Variants in ABCG1 observed in about 807,000 individuals in gnomAD.
ABCG1 encodes ATP binding cassette subfamily G member 1.
In ABCG1, 29 loss-of-function variants were observed where a neutral mutation model predicts 69.2. That is an observed-to-expected ratio of 0.42 (90% CI 0.31 to 0.57). The LOEUF (loss-of-function observed/expected upper bound fraction) is 0.57. Among genes scored for constraint, ABCG1 ranks in the 20% least tolerant of loss-of-function variants. The pLI is 0.15. For missense variants in ABCG1, 718 were observed against 898.1 expected, an observed-to-expected ratio of 0.80 and a Z score of 2.56; for synonymous variants, 370 against 374.8, an observed-to-expected ratio of 0.99 and a Z score of 0.15.
chr21:42,293,027 A>G (rs2069104360), intron 13 of ABCG1, among the ~76,000 whole-genome samples: 1 of 141,238 alleles, frequency 7.1e-6, no homozygotes. Flanking sequence ...CACACACCAC[A>G]CTACACACTA....
intron 2 of ABCG1, chr21:42,201,746 A>G: frequency 6.2e-7 from 1 of 1,613,602 alleles, no homozygotes; most frequent in South Asian, 1.1e-5. Flanking sequence ...GAGACAGGGA[A>G]GGATTTGGAA....
chr21:42,242,068 T>C (rs577953132), intron 2 of ABCG1, among the ~76,000 whole-genome samples: 191 of 151,298 alleles, frequency 1.3e-3, no homozygotes, highest in African/African-American at 4.5e-3. Flanking sequence ...AACAGTGAAA[T>C]CCCTTTCTAA....
chr21:42,205,228 G>A (rs1019735018), intron 2 of ABCG1, among the ~76,000 whole-genome samples: 6 of 152,146 alleles, frequency 3.9e-5, no homozygotes, highest in South Asian at 2.1e-4. Context: ...TAGTGATGTC[G>A]CTTGCTCCAT....
At chr21:42,274,368 C>T (rs1360508633) in intron 4 of ABCG1, among the ~76,000 whole-genome samples, 1 of 151,954 alleles carries the variant, frequency 6.6e-6, no homozygotes, top group Non-Finnish European at 1.5e-5. Flanking sequence ...CTTGGGGCCA[C>T]AGAAGGGTCC....
At chr21:42,257,091 T>G (rs1397727349) in intron 2 of ABCG1, among the ~76,000 whole-genome samples, 1 of 152,248 alleles carries the variant, frequency 6.6e-6, no homozygotes, top group Non-Finnish European at 1.5e-5. Context: ...TAAGGTTAAG[T>G]ACTCATTTCA....
chr21:42,214,598 C>T (rs1483714935), upstream of ABCG1, among the ~76,000 whole-genome samples: 3 of 152,192 alleles, frequency 2.0e-5, no homozygotes, highest in Non-Finnish European at 4.4e-5. Flanking sequence ...CCTGGGATGA[C>T]GAGGGCACGG....
rs1377361374 is a variant in ABCG1, at chr21:42,276,413, G to A, written c.538-482G>A. ...CGCCCAGGCTGGTCGCCAAGCCCCT[G>A]ATGCCTGGGGCTTTCTTACCTCTAA... On this transcript the variant is annotated intron_variant, in intron 4 of 14. Transcript: ENST00000398449. This position sits in a 1 kb window ranked among gnomAD's most constrained non-coding sequence, Gnocchi z 5.3. 2 of 156,194 alleles carry A rather than the reference G, an allele frequency of 1.3e-5. No homozygotes were observed. Among genetic ancestry groups the A allele is most frequent in the African/African-American group, 4.8e-5 (2 of 41,570 alleles). The allele number at this position is 156,194 out of a possible 1,614,324, so 9.7% of individuals were successfully genotyped here.
At position 42,294,891 on chromosome 21, in the gene ABCG1, A is replaced by C. The variant is rs907680379; in HGVS notation, c.1772+231A>C. ...ACAAACCAGCGCTTCACACCCGGAG[A>C]GCCATGGCAGGACCAAGTGTTCTGG... On this transcript the variant is annotated intron_variant, in intron 14 of 14. Transcript: ENST00000398449. The C allele has an allele frequency of 5.8e-6, 3 of 520,538 alleles. No individual in the cohort carries two copies. In the African/African-American group the frequency reaches 5.8e-5, roughly 10 times the overall value. 32.2% of individuals were successfully genotyped at this position (520,538 alleles called of 1,614,324 possible).
chr21:42,270,031 C>T (rs111523838), intron 2 of ABCG1, among the ~76,000 whole-genome samples: 2 of 151,368 alleles, frequency 1.3e-5, no homozygotes, highest in South Asian at 2.1e-4. Context: ...TTTGGGAGGC[C>T]GAGGCGGGCG....
chr21:42,285,846 G>C, intron 7 of ABCG1, 34 bp from the exon 8 acceptor site: 1 of 1,490,302 alleles, frequency 6.7e-7, no homozygotes, highest in Non-Finnish European at 9.4e-7. Flanking sequence ...AGGAAGGCAG[G>C]GCTTGATCCC....
upstream of ABCG1, among the ~76,000 whole-genome samples, chr21:42,217,989 C>T (rs1475430296): frequency 1.3e-5 from 2 of 152,090 alleles, no homozygotes; most frequent in East Asian, 1.9e-4. Flanking sequence ...TGAGACAACA[C>T]CATTCAGACA....
chr21:42,207,476 A>G (rs1487290959), intron 2 of ABCG1, among the ~76,000 whole-genome samples: 1 of 152,108 alleles, frequency 6.6e-6, no homozygotes, highest in East Asian at 1.9e-4. Context: ...TATTTTTTCA[A>G]GTCTGCTCAT....
rs546958822 is a variant in ABCG1, at chr21:42,288,325, G to C, written c.1224+13G>C. Reference sequence around the variant, plus strand: ...CATGAGGGACTCGGTAAGGCTGCCCGCATCTTCTCCTGTAGCTGGGGAACC... The same window carrying C: ...CATGAGGGACTCGGTAAGGCTGCCCCCATCTTCTCCTGTAGCTGGGGAACC... On this transcript the variant is annotated intron_variant, in intron 10 of 14. Transcript: ENST00000398449. The surrounding 1 kb of genome is among the most constrained non-coding windows in gnomAD (Gnocchi z 4.8). 5 of 1,421,816 alleles carry C rather than the reference G, an allele frequency of 3.5e-6. No individual in the cohort carries two copies. In the South Asian group the frequency reaches 4.8e-5, roughly 14 times the overall value. 88.1% of individuals were successfully genotyped at this position (1,421,816 alleles called of 1,614,324 possible).
chr21:42,213,676 G>A (rs115084156), upstream of ABCG1, among the ~76,000 whole-genome samples: 768 of 152,402 alleles, frequency 5.0e-3, 9 homozygotes, highest in Middle Eastern at 0.024. Flanking sequence ...AGCCCTGGGG[G>A]CCTAAGTCCC....
chr21:42,220,072 A>G, intron 1 of ABCG1: 1 of 1,540,770 alleles, frequency 6.5e-7, no homozygotes, highest in Non-Finnish European at 8.8e-7. Flanking sequence ...AGGGGTGGTC[A>G]GGAATCTCCC....
intron 2 of ABCG1, among the ~76,000 whole-genome samples, chr21:42,210,717 C>A (rs1401759311): frequency 6.9e-6 from 1 of 145,152 alleles, no homozygotes; most frequent in African/African-American, 2.7e-5. Context: ...TGCCGCCCCC[C>A]TCCCTCCACC....
upstream of ABCG1, among the ~76,000 whole-genome samples, chr21:42,216,649 C>A (rs2067644046): frequency 6.6e-6 from 1 of 152,184 alleles, no homozygotes; most frequent in Non-Finnish European, 1.5e-5. Context: ...CAGCAAGAGA[C>A]CAGGGGCTGA....
Position 42,219,703 on chromosome 21 carries a change from A to G in ABCG1, c.42+399A>G. 2.2e-6 allele frequency: 2 copies of G among 906,936 alleles called. No homozygotes were observed. The highest frequency in any genetic ancestry group is 3.2e-6 in the Non-Finnish European group (2 of 633,714). 56.2% of individuals were successfully genotyped at this position (906,936 alleles called of 1,614,324 possible). Reference sequence around the variant, plus strand: ...GCCGGAGGGAAGAGGGGACTTGAAGAAGGGGAGCCCCGCGCGCGCGGCTGT... The same window carrying G: ...GCCGGAGGGAAGAGGGGACTTGAAGGAGGGGAGCCCCGCGCGCGCGGCTGT... On this transcript the variant is annotated intron_variant, in intron 1 of 14. Coordinates refer to ENST00000398449, the MANE Select transcript of ABCG1 (RefSeq NM_016818.3). This position sits in a 1 kb window ranked among gnomAD's most constrained non-coding sequence, Gnocchi z 5.3.
Position 42,291,576 on chromosome 21 carries a change from T to C in ABCG1, c.1573T>C (p.Phe525Leu). 1.2e-6 allele frequency: 2 copies of C among 1,612,946 alleles called. No individual in the cohort carries two copies. The highest frequency in any genetic ancestry group is 1.7e-6 in the Non-Finnish European group (2 of 1,179,898). Residue 525 changes from phenylalanine (F) to leucine (L), a missense_variant, in exon 13 of 15, where the codon TTT becomes CTT. Physicochemically the swap from Phe to Leu is conservative, Grantham distance 22. Around this residue, in one of 2 missense-constraint regions of ABCG1, gnomAD observed 204 missense variants for 323.8 expected, o/e 0.63. Coordinates refer to ENST00000398449, the MANE Select transcript of ABCG1 (RefSeq NM_016818.3). The surrounding 1 kb of genome is among the most constrained non-coding windows in gnomAD (Gnocchi z 6.4). ...QPSDAVRFVL[F>L]AALGTMTSLV... ...GTCCGACGCCGTGCGCTTTGTGCTG[T>C]TTGCCGCGCTGGGCACCATGACCTC...
Sources: allele counts gnomAD v4.1 joint callset (sites outside exome capture counted in the v4.1 genomes callset), GRCh38; gene constraint gnomAD v4.1.1; regional missense constraint gnomAD v4.1.1; non-coding constraint Gnocchi (gnomAD v3.1); transcripts MANE v1.5; gene names NCBI Gene and HGNC (gene_info 2026-07-23, HGNC 2026-07-21).